Variants in COL19A1 observed in about 807,000 individuals in gnomAD.
COL19A1 encodes the protein collagen alpha-1(XIX) chain.
A neutral mutation model predicts 190.2 loss-of-function variants in COL19A1; 159 were observed. That is an observed-to-expected ratio of 0.84 (90% CI 0.73 to 0.95). The LOEUF (loss-of-function observed/expected upper bound fraction) is 0.95. Ranked by LOEUF, COL19A1 falls within the 40% of genes least tolerant of loss-of-function variation. The probability of loss-of-function intolerance (pLI) is 0.00; values close to 1 mark genes in which losing one functional copy is unlikely to be tolerated. For missense variants in COL19A1, 1,418 were observed against 1,431.9 expected, an observed-to-expected ratio of 0.99 and a Z score of 0.16; for synonymous variants, 509 against 458.9, an observed-to-expected ratio of 1.11 and a Z score of -1.39.
intron 16 of COL19A1, among the ~76,000 whole-genome samples, chr6:70,107,252 C>A (rs1319624833): frequency 6.6e-6 from 1 of 152,126 alleles, no homozygotes; most frequent in Non-Finnish European, 1.5e-5. Context: ...ATACCTAGAA[C>A]AATGTTTGAG....
At chr6:70,010,895 C>T (rs1376773739) in intron 11 of COL19A1, among the ~76,000 whole-genome samples, 2 of 101,676 alleles carry the variant, frequency 2.0e-5, no homozygotes, top group East Asian at 6.8e-4. Flanking sequence ...GTAGGCTCCA[C>T]CTCTGGGGGC....
chr6:69,904,203 G>A (rs958883999), intron 4 of COL19A1, among the ~76,000 whole-genome samples: 3 of 152,158 alleles, frequency 2.0e-5, no homozygotes, highest in Non-Finnish European at 4.4e-5. Flanking sequence ...AGATCAAATG[G>A]TCTGCTCTAT....
In COL19A1 at chr6:70,184,848, T is replaced by C. The variant is rs776904707; in HGVS notation, c.2812-23T>C. 6 of 1,612,440 alleles carry C rather than the reference T, an allele frequency of 3.7e-6. No homozygotes were observed. In the Admixed American group the frequency reaches 1.0e-4, roughly 27 times the overall value. On this transcript the variant is annotated intron_variant, in intron 45 of 50. Transcript: ENST00000620364. ...GAAAAATCTTGGCAAGGAGTGATTT[T>C]CATGTTGACATCTGTTTTTCAGGGC...
intron 17 of COL19A1, 85 bp from the exon 18 acceptor site, chr6:70,130,097 T>C: frequency 2.1e-6 from 3 of 1,455,898 alleles, no homozygotes; most frequent in Non-Finnish European, 2.8e-6. Flanking sequence ...AGAACTATTA[T>C]CTGACTGCTT....
chr6:70,099,107 C>T (rs924962469), intron 15 of COL19A1, among the ~76,000 whole-genome samples: 1 of 150,534 alleles, frequency 6.6e-6, no homozygotes, highest in Non-Finnish European at 1.5e-5. Context: ...AGATTGTGCC[C>T]TGCCTGGACC....
intron 15 of COL19A1, among the ~76,000 whole-genome samples, chr6:70,085,228 G>C (rs1176470098): frequency 6.6e-6 from 1 of 152,150 alleles, no homozygotes; most frequent in Non-Finnish European, 1.5e-5. Flanking sequence ...TAGCACAGTT[G>C]CCCAGGAAGA....
chr6:70,191,645 T>C (rs1257726415), intron 48 of COL19A1, among the ~76,000 whole-genome samples: 2 of 152,348 alleles, frequency 1.3e-5, no homozygotes, highest in East Asian at 1.9e-4. Context: ...TACATTTCTT[T>C]GTCTATTTGC....
At chr6:70,092,125 A>G (rs1782967452) in intron 15 of COL19A1, among the ~76,000 whole-genome samples, 1 of 152,158 alleles carries the variant, frequency 6.6e-6, no homozygotes, top group South Asian at 2.1e-4. Flanking sequence ...GGGGATAAGT[A>G]TCAGAAGAGA....
chr6:70,062,057 TC>T (rs973661611), intron 14 of COL19A1, among the ~76,000 whole-genome samples: 26 of 151,794 alleles, frequency 1.7e-4, no homozygotes, highest in South Asian at 8.3e-4. Flanking sequence ...CCCTTTTTTT[TC>T]CTACCTAAAT....
intron 36 of COL19A1, 117 bp downstream of exon 36, chr6:70,163,513 A>G (rs1787948301): frequency 1.1e-6 from 1 of 872,708 alleles, no homozygotes; most frequent in Non-Finnish European, 1.8e-6. Flanking sequence ...AAATGATGGT[A>G]GAAAGTACCT....
chr6:70,175,918 C>T (rs146452181), intron 41 of COL19A1, among the ~76,000 whole-genome samples: 200 of 152,220 alleles, frequency 1.3e-3, no homozygotes, highest in Non-Finnish European at 1.6e-3. Context: ...CCAAAAATTG[C>T]CATTTTATTA....
chr6:69,913,554 G>T (rs1771099887), intron 4 of COL19A1, among the ~76,000 whole-genome samples: 1 of 152,188 alleles, frequency 6.6e-6, no homozygotes, highest in Non-Finnish European at 1.5e-5. Flanking sequence ...GAGCCAAGGG[G>T]TCAATGTATG....
chr6:69,947,305 A>G (rs1773879532), intron 9 of COL19A1, among the ~76,000 whole-genome samples: 1 of 151,952 alleles, frequency 6.6e-6, no homozygotes, highest in African/African-American at 2.4e-5. Context: ...GCTATAGCTC[A>G]TAAAATGATT....
intron 41 of COL19A1, 24 bp from the exon 42 acceptor site, chr6:70,176,496 A>G (rs1327718661): frequency 6.2e-7 from 1 of 1,610,812 alleles, no homozygotes; most frequent in Non-Finnish European, 8.5e-7. Context: ...TCATTAAAGT[A>G]GCAATGTTTT....
chr6:69,919,362 G>A (rs1046103785), intron 4 of COL19A1, among the ~76,000 whole-genome samples: 8 of 152,150 alleles, frequency 5.3e-5, no homozygotes, highest in African/African-American at 1.9e-4. Flanking sequence ...TCTAAAAGTA[G>A]ATAATTAGGT....
chr6:70,205,195 T>C (rs570489724), intron 49 of COL19A1, among the ~76,000 whole-genome samples: 2 of 152,326 alleles, frequency 1.3e-5, no homozygotes, highest in East Asian at 3.9e-4. Context: ...ATATTCTTTT[T>C]TCCACTAGTT....
chr6:70,190,346 A>G lies in COL19A1; in HGVS notation c.3059A>G (p.Lys1020Arg), dbSNP rs775073207. 3.1e-6 allele frequency: 5 copies of G among 1,607,304 alleles called. No homozygotes were observed. Among genetic ancestry groups the G allele is most frequent in the Non-Finnish European group, 4.3e-6 (5 of 1,176,158 alleles). The change falls in exon 48 of 51, where the codon AAG becomes AGG. Residue 1020 changes from lysine to arginine, a missense_variant. Transcript: ENST00000620364. ...GCAGTTTCATTTGAAGAAATAAAGA[A>G]GTATATTAATCAAGAGGTCCTAAGG... ...ADAVSFEEIK[K>R]YINQEVLRIF... is the part of the protein sequence containing the mutation.
chr6:69,958,393 A>G (rs1302180909), intron 9 of COL19A1, among the ~76,000 whole-genome samples: 1 of 152,182 alleles, frequency 6.6e-6, no homozygotes, highest in Admixed American at 6.5e-5. Flanking sequence ...AAGTGGACAT[A>G]CTTCTGTGAT....
chr6:69,914,864 G>A (rs1486170027), intron 4 of COL19A1, among the ~76,000 whole-genome samples: 1 of 152,128 alleles, frequency 6.6e-6, no homozygotes, highest in Non-Finnish European at 1.5e-5. Flanking sequence ...AATTTCTCTA[G>A]AATAACAATG....
Sources: gnomAD v4.1 joint callset for allele counts (sites outside exome capture counted in the v4.1 genomes callset) on GRCh38, gnomAD v4.1.1 for gene constraint, MANE v1.5 for transcripts, NCBI Gene and HGNC (gene_info 2026-07-23, HGNC 2026-07-21) for gene names.